Variants in LRP2 observed in about 807,000 individuals in gnomAD.
LRP2 encodes the protein low-density lipoprotein receptor-related protein 2.
LRP2 carries 172 observed loss-of-function variants against 531.0 expected under a neutral mutation model. The observed-to-expected ratio is 0.32, with a 90% CI of 0.29 to 0.37. LRP2 has a LOEUF of 0.37. Among genes scored for constraint, LRP2 ranks in the 10% least tolerant of loss-of-function variants. The pLI, the probability that LRP2 is intolerant of heterozygous loss-of-function variation, is 1.00. For synonymous variants in LRP2, 1,992 were observed against 2,027.6 expected (o/e 0.98, Z 0.47); for missense variants, 5,167 against 5,868.3 (o/e 0.88, Z 3.90).
chr2:169,219,562 C>A (rs187724858), intron 34 of LRP2, among the ~76,000 whole-genome samples: 79 of 152,240 alleles, frequency 5.2e-4, no homozygotes, highest in Admixed American at 9.8e-4. Context: ...CTTTCACTCC[C>A]TTCCTCAGGA....
intron 1 of LRP2, among the ~76,000 whole-genome samples, chr2:169,323,228 A>T (rs1684950645): frequency 6.6e-6 from 1 of 152,224 alleles, no homozygotes. Context: ...ATTTATCAAC[A>T]GATCTATAAT....
intron 17 of LRP2, 42 bp from the exon 18 acceptor site, chr2:169,257,291 C>T: frequency 6.2e-7 from 1 of 1,601,820 alleles, no homozygotes. Context: ...AACACTGGGA[C>T]AAACTACATG....
rs970146151 is a variant in LRP2 at position 169,165,840 on chromosome 2, T to C, written c.11758+92A>G. The C allele has an allele frequency of 6.7e-6, 10 of 1,502,354 alleles. No individual in the cohort carries two copies. The African/African-American group carries it at 8.2e-5, about 12-fold the overall frequency. 93.1% of individuals were successfully genotyped at this position (1,502,354 alleles called of 1,614,324 possible). On this transcript the variant is annotated intron_variant, in intron 62 of 78. Transcript: ENST00000649046. ...ATCTGCAGTCATGGGCACAACTCTA[T>C]AGAACAAACTGAAATCCCAGAGGCA...
intron 15 of LRP2, 102 bp downstream of exon 15, chr2:169,272,825 A>T: frequency 1.3e-6 from 2 of 1,484,008 alleles, no homozygotes; most frequent in Non-Finnish European, 1.9e-6. Context: ...GAAGTTAGAC[A>T]GGGAGCTGGT....
intron 13 of LRP2, among the ~76,000 whole-genome samples, chr2:169,276,968 G>A (rs1683572034): frequency 6.6e-6 from 1 of 151,996 alleles, no homozygotes; most frequent in African/African-American, 2.4e-5. Flanking sequence ...GCTGAGGCAG[G>A]CGAATAACTT....
At chr2:169,323,457 C>G (rs1163927914) in intron 1 of LRP2, among the ~76,000 whole-genome samples, 1 of 152,150 alleles carries the variant, frequency 6.6e-6, no homozygotes, top group Non-Finnish European at 1.5e-5. Flanking sequence ...AAATAAACCA[C>G]TAGTGAAAAG....
At chr2:169,178,351 AG>A (rs1256533610) in intron 52 of LRP2, among the ~76,000 whole-genome samples, 1 of 152,208 alleles carries the variant, frequency 6.6e-6, no homozygotes, top group Non-Finnish European at 1.5e-5. Context: ...GGCCTCTTAT[AG>A]TGATGTTCCT....
At position 169,191,888 on chromosome 2, in the gene LRP2, A is replaced by G; in HGVS notation, c.8976T>C (p.Thr2992=). The change falls in exon 48 of 79, where the codon ACT becomes ACC. Residue 2992 remains threonine, a synonymous_variant. Coordinates refer to ENST00000649046, the MANE Select transcript of LRP2 (RefSeq NM_004525.3). The stretch of plus-strand genomic sequence containing the variant: ...CACAGGTGAATTCATTTTCAGAGCA[A>G]GTTCTCCTGGTGCAATTCTGATTCT... ...YDENQNCTRR[T]CSENEFTCGY... is the part of the protein sequence containing the mutation. 4 of 1,614,156 alleles carry G rather than the reference A, an allele frequency of 2.5e-6. No individual in the cohort carries two copies. The highest frequency in any genetic ancestry group is 3.4e-6 in the Non-Finnish European group (4 of 1,180,016).
chr2:169,292,120 C>A (rs993595242), intron 7 of LRP2, 133 bp downstream of exon 7: 1 of 743,350 alleles, frequency 1.3e-6, no homozygotes, highest in Non-Finnish European at 2.4e-6. Flanking sequence ...AGTTCCTAAA[C>A]AACCCCTTCA....
intron 1 of LRP2, among the ~76,000 whole-genome samples, chr2:169,343,930 T>C (rs1233951893): frequency 1.3e-5 from 2 of 152,180 alleles, no homozygotes; most frequent in Non-Finnish European, 1.5e-5. Context: ...GAGAATAGCA[T>C]AGAATTTTTG....
rs374017742 is a variant in LRP2, at chr2:169,324,120, C to T, written c.80-3236G>A. On this transcript the variant is annotated intron_variant, in intron 1 of 78. Transcript: ENST00000649046. Reference sequence around the variant, plus strand: ...TCTGCCAACATTAGCTCATTTAATCCTCATAATAACCCTATGAAATAGATA... The same window carrying T: ...TCTGCCAACATTAGCTCATTTAATCTTCATAATAACCCTATGAAATAGATA... Among the ~76,000 whole-genome samples, 12 of 152,246 alleles carry T rather than the reference C, an allele frequency of 7.9e-5. No homozygotes were observed. The East Asian group carries it at 1.2e-3, about 15-fold the overall frequency.
At chr2:169,167,916 T>TCTAAGC (rs1481689931) in intron 61 of LRP2, among the ~76,000 whole-genome samples, 1 of 150,288 alleles carries the variant, frequency 6.7e-6, no homozygotes, top group African/African-American at 2.5e-5. Context: ...CTCCATCAGG[T>TCTAAGC]CTAAGCCTAG....
intron 62 of LRP2, among the ~76,000 whole-genome samples, chr2:169,163,849 G>GA (rs1686679462): frequency 6.6e-6 from 1 of 152,054 alleles, no homozygotes; most frequent in Non-Finnish European, 1.5e-5. Flanking sequence ...AAATAGACAA[G>GA]AAAAAACTCT....
At chr2:169,226,367 G>C in intron 32 of LRP2, 55 bp downstream of exon 32, 1 of 1,404,924 alleles carries the variant, frequency 7.1e-7, no homozygotes, top group Non-Finnish European at 1.0e-6. Flanking sequence ...AAACATCAGT[G>C]CAGGCAGGCT....
intron 1 of LRP2, among the ~76,000 whole-genome samples, chr2:169,355,315 T>G (rs1400521520): frequency 6.6e-6 from 1 of 152,234 alleles, no homozygotes; most frequent in Admixed American, 6.5e-5. Context: ...TTCTGTAGCT[T>G]TTTCAAGTGT....
chr2:169,176,418 T>A lies in LRP2; in HGVS notation c.10564A>T (p.Asn3522Tyr). 1 of 1,614,062 alleles carries A rather than the reference T, an allele frequency of 6.2e-7. No individual in the cohort carries two copies. ...CSSTQFLCAN[N>Y]EKCIPIWWKC... is the part of the protein sequence containing the mutation. ...GGGGAAAGAGAGCCTTACTTTTCAT[T>A]GTTAGCGCACAGGAACTGGGTGCTG... is the stretch of plus-strand genomic sequence containing the variant. Residue 3522 changes from asparagine to tyrosine, a missense_variant, in exon 54 of 79, where the codon AAT becomes TAT. Asn to Tyr is a moderately radical substitution (Grantham distance 143). Transcript: ENST00000649046.
At chr2:169,290,362 G>A (rs1357540377) in intron 8 of LRP2, among the ~76,000 whole-genome samples, 2 of 137,778 alleles carry the variant, frequency 1.5e-5, no homozygotes, top group Non-Finnish European at 3.0e-5. Context: ...ACATCTTTAA[G>A]GTCATCAAAA....
chr2:169,159,358 A>G (rs976298462), intron 63 of LRP2, among the ~76,000 whole-genome samples: 2 of 152,188 alleles, frequency 1.3e-5, no homozygotes, highest in Admixed American at 6.5e-5. Flanking sequence ...GTAAATGATC[A>G]TATCACTATA....
Position 169,185,492 on chromosome 2 carries a change from T to G in LRP2, c.9845+11A>C. ...TTTTAACTTTTAAAAAGCTCATCAG[T>G]GTTTTCTTACCTGGAAACCCAGTCT... On this transcript the variant is annotated intron_variant, in intron 50 of 78. Transcript: ENST00000649046. 7.4e-6 allele frequency: 12 copies of G among 1,612,662 alleles called. No homozygotes were observed. Among genetic ancestry groups the G allele is most frequent in the Non-Finnish European group, 1.0e-5 (12 of 1,179,866 alleles).
Sources: allele counts gnomAD v4.1 joint callset (sites outside exome capture counted in the v4.1 genomes callset), GRCh38; gene constraint gnomAD v4.1.1; transcripts MANE v1.5; gene names NCBI Gene and HGNC (gene_info 2026-07-23, HGNC 2026-07-21).